Variants in NFAT5 observed in about 807,000 individuals in gnomAD.
NFAT5 encodes nuclear factor of activated T cells 5, also known as nuclear factor of activated T-cells 5.
A neutral mutation model predicts 166.5 loss-of-function variants in NFAT5; 31 were observed. The observed-to-expected ratio is 0.19, with a 90% CI of 0.14 to 0.25. NFAT5 has a LOEUF of 0.25. NFAT5 is among the 10% of genes least tolerant of loss of function. The pLI is 1.00. For synonymous variants in NFAT5, 612 were observed against 639.7 expected (o/e 0.96, Z 0.65); for missense variants, 1,449 against 1,821.8 (o/e 0.80, Z 3.72).
intron 10 of NFAT5, among the ~76,000 whole-genome samples, chr16:69,680,106 A>C (rs1028173461): frequency 2.0e-5 from 3 of 152,242 alleles, no homozygotes; most frequent in Non-Finnish European, 2.9e-5. Context: ...CGACAGAGCA[A>C]GACTCCATCT....
In NFAT5 at chr16:69,659,916, G is replaced by A. The variant is rs775532252; in HGVS notation, c.1369+17G>A. Reference sequence around the variant, plus strand: ...TTTTGTGTAGTAAGTAAGAAGATACGGAGATACTAAACATATGGAGTTTCT... The same window carrying A: ...TTTTGTGTAGTAAGTAAGAAGATACAGAGATACTAAACATATGGAGTTTCT... On this transcript the variant is annotated intron_variant, in intron 7 of 14. Transcript: ENST00000349945. The A allele has an allele frequency of 4.0e-5, 63 of 1,573,240 alleles. No individual in the cohort carries two copies. The South Asian group carries it at 4.9e-4, about 12-fold the overall frequency.
At chr16:69,580,524 TA>T (rs201610452) in intron 2 of NFAT5, among the ~76,000 whole-genome samples, 322 of 136,394 alleles carry the variant, frequency 2.4e-3, no homozygotes, top group Non-Finnish European at 2.3e-3. Flanking sequence ...AGAGCGAAAC[TA>T]AAAAAAAAAA....
chr16:69,603,878 A>G (rs573560335), intron 2 of NFAT5, among the ~76,000 whole-genome samples: 1 of 152,336 alleles, frequency 6.6e-6, no homozygotes, highest in Non-Finnish European at 1.5e-5. Context: ...TTTCCTTGCC[A>G]GTATTATCAC....
chr16:69,670,929 A>C (rs536429626), intron 9 of NFAT5, among the ~76,000 whole-genome samples: 1 of 152,336 alleles, frequency 6.6e-6, no homozygotes. Context: ...AAACAGGAAC[A>C]AGCTAATGTG....
chr16:69,592,892 G>A (rs772201456), intron 2 of NFAT5, among the ~76,000 whole-genome samples: 40 of 152,136 alleles, frequency 2.6e-4, no homozygotes, highest in Non-Finnish European at 1.9e-4. Flanking sequence ...GAGCACAGAG[G>A]CATGGATATA....
chr16:69,659,701 C>G, intron 6 of NFAT5, 26 bp from the exon 7 acceptor site: 1 of 1,510,310 alleles, frequency 6.6e-7, no homozygotes, highest in Non-Finnish European at 8.9e-7. Context: ...CAAAATGTCC[C>G]TTTATATATT....
chr16:69,613,856 G>T (rs1253449128), intron 2 of NFAT5, among the ~76,000 whole-genome samples: 2 of 152,232 alleles, frequency 1.3e-5, no homozygotes, highest in Non-Finnish European at 2.9e-5. Flanking sequence ...CAGTGCAGGT[G>T]CTAAATAAAT....
intron 4 of NFAT5, chr16:69,649,480 T>C: frequency 1.0e-6 from 1 of 984,356 alleles, no homozygotes; most frequent in Non-Finnish European, 1.2e-6. Context: ...AGGGAAAGTA[T>C]AATGACATTG....
At chr16:69,612,372 T>A (rs2151558400) in intron 2 of NFAT5, among the ~76,000 whole-genome samples, 1 of 152,260 alleles carries the variant, frequency 6.6e-6, no homozygotes, top group South Asian at 2.1e-4. Context: ...ATTAATGTTA[T>A]ATTCAAGTGA....
At chr16:69,595,267 T>G (rs530356542) in intron 2 of NFAT5, among the ~76,000 whole-genome samples, 4 of 152,336 alleles carry the variant, frequency 2.6e-5, no homozygotes, top group African/African-American at 4.8e-5. Flanking sequence ...GTATTCACCC[T>G]TCTTATAATG....
In NFAT5 at chr16:69,568,467, A is replaced by G. The variant is rs201051066; in HGVS notation, c.74-28A>G. ...ATTTTTTTCCTCATTCAGCATAAAA[A>G]GTACCTAATGCTTTTTGTGTTTTTC... is the stretch of plus-strand genomic sequence containing the variant. On this transcript the variant is annotated intron_variant, in intron 1 of 14. Coordinates refer to ENST00000349945, the MANE Select transcript of NFAT5 (RefSeq NM_138713.4). 8.7e-6 allele frequency: 14 copies of G among 1,607,710 alleles called. No homozygotes were observed. In the Admixed American group the frequency reaches 2.2e-4, roughly 25 times the overall value.
Position 69,677,338 on chromosome 16 carries a change from A to T in NFAT5, c.1690+3A>T, listed in dbSNP as rs762482796. ...ATTCACTTACACTCCAGACCCAGGT[A>T]TGTCAAAATGAAAAATTCAGAACTA... On this transcript the variant is annotated splice_donor_region_variant and intron_variant, in intron 10 of 14. Coordinates refer to ENST00000349945, the MANE Select transcript of NFAT5 (RefSeq NM_138713.4). 2 of 1,556,588 alleles carry T rather than the reference A, an allele frequency of 1.3e-6. No homozygotes were observed. The highest frequency in any genetic ancestry group is 2.5e-5 in the South Asian group (2 of 80,992).
At chr16:69,584,632 TA>T (rs1469393770) in intron 2 of NFAT5, among the ~76,000 whole-genome samples, 2 of 151,498 alleles carry the variant, frequency 1.3e-5, no homozygotes, top group Non-Finnish European at 2.9e-5. Flanking sequence ...CTACAAAAAA[TA>T]AAAAAATTAG....
intron 3 of NFAT5, chr16:69,646,488 T>A: frequency 9.3e-7 from 1 of 1,071,442 alleles, no homozygotes; most frequent in Non-Finnish European, 1.2e-6. Context: ...AGCTCTTTTC[T>A]CATTTATTTT....
rs1450202516 is a variant in NFAT5, at chr16:69,677,254, C to G, written c.1609C>G (p.Pro537Ala). Residue 537 changes from proline (P) to alanine (A), a missense_variant, in exon 10 of 15, where the codon CCT becomes GCT. This residue lies in a region of NFAT5 where 245 missense variants were observed against 366.6 expected (regional missense o/e 0.67). Transcript: ENST00000349945. ...CTATCATGACCAACATATAACTTTG[C>G]CTGTGTCAGTGGGAATATATGTAGT... is the stretch of plus-strand genomic sequence containing the variant. ...PPYHDQHITLPVSVGIYVVTN... is the reference protein window; with the variant it reads ...PPYHDQHITLAVSVGIYVVTN... 6.2e-7 allele frequency: 1 copy of G among 1,612,122 alleles called. No homozygotes were observed. The highest frequency in any genetic ancestry group is 8.5e-7 in the Non-Finnish European group (1 of 1,179,218).
At chr16:69,613,112 T>C (rs544375838) in intron 2 of NFAT5, among the ~76,000 whole-genome samples, 1 of 152,304 alleles carries the variant, frequency 6.6e-6, no homozygotes, top group South Asian at 2.1e-4. Context: ...GCCAGAGTTC[T>C]ATGTGCTACT....
chr16:69,670,187 T>TAA, intron 8 of NFAT5, 49 bp from the exon 9 acceptor site: 5 of 1,548,966 alleles, frequency 3.2e-6, no homozygotes, highest in Admixed American at 2.0e-5. Context: ...AGCTACAGAG[T>TAA]AAAAAAAATA....
At chr16:69,627,133 C>T (rs2151581507) in intron 3 of NFAT5, among the ~76,000 whole-genome samples, 1 of 151,230 alleles carries the variant, frequency 6.6e-6, no homozygotes, top group African/African-American at 2.4e-5. Context: ...TTACTCAGCT[C>T]TCAAATCATA....
chr16:69,682,680 A>T (rs151030645), intron 10 of NFAT5, among the ~76,000 whole-genome samples: 1 of 152,114 alleles, frequency 6.6e-6, no homozygotes, highest in Non-Finnish European at 1.5e-5. Flanking sequence ...AGAAATTTAA[A>T]TTTTTTTCAA....
Sources: gnomAD v4.1 joint callset for allele counts (sites outside exome capture counted in the v4.1 genomes callset) on GRCh38, gnomAD v4.1.1 for gene constraint, gnomAD v4.1.1 regional missense constraint, MANE v1.5 for transcripts, NCBI Gene and HGNC (gene_info 2026-07-23, HGNC 2026-07-21) for gene names.